The following GRIP1 variants were observed in gnomAD, a reference collection of about 807,000 sequenced individuals.
The protein encoded by GRIP1 is glutamate receptor-interacting protein 1.
Under a neutral mutation model 129.9 loss-of-function variants are expected in GRIP1, and 45 were observed. The ratio of observed to expected loss-of-function variants is 0.35; its 90% CI spans 0.27 to 0.44. GRIP1 has a LOEUF of 0.44. Ranked by LOEUF, GRIP1 falls within the 20% of genes least tolerant of loss-of-function variation. The pLI is 1.00. For missense variants in GRIP1, 1,196 were observed against 1,396.8 expected (o/e 0.86, Z 2.29); for synonymous variants, 530 against 520.8 (o/e 1.02, Z -0.24).
At position 66,813,147 on chromosome 12, in the gene GRIP1, G is replaced by A. The variant is rs568375476; in HGVS notation, c.59-216220C>T. Reference sequence around the variant, plus strand: ...TAGGCTGTACAGGAAATGTGGTAAAGGCATCTGCTTCTGGTGAAGGCCTCA... The same window carrying A: ...TAGGCTGTACAGGAAATGTGGTAAAAGCATCTGCTTCTGGTGAAGGCCTCA... On this transcript the variant is annotated intron_variant, in intron 1 of 1. Coordinates refer to the GRIP1 transcript ENST00000643019. 2.0e-5 allele frequency among the ~76,000 whole-genome samples: 3 copies of A among 152,252 alleles called. No individual in the cohort carries two copies. The East Asian group carries it at 5.8e-4, about 29-fold the overall frequency.
rs748762801 is a variant in GRIP1, at chr12:66,445,361, G to A, written c.1502C>T (p.Pro501Leu). Residue 501 changes from proline to leucine, a missense_variant, in exon 12 of 25, where the codon CCT (proline) becomes CTT (leucine). Transcript: ENST00000359742. Reference protein sequence around the residue: ...VFATETLSSPPLISYIEADSP... With the variant: ...VFATETLSSPLLISYIEADSP... ...GTCAGCTTCGATATAGGAAATCAGA[G>A]GTGGAGAAGAGAGAGTTTCTGTGGC... The A allele has an allele frequency of 3.1e-6, 5 of 1,614,182 alleles. No homozygotes were observed. In the South Asian group the frequency reaches 4.4e-5, roughly 14 times the overall value.
At chr12:66,666,487 T>A (rs2033803520) in intron 1 of GRIP1, among the ~76,000 whole-genome samples, 1 of 143,056 alleles carries the variant, frequency 7.0e-6, no homozygotes, top group Non-Finnish European at 1.5e-5. Context: ...TACTTTATCA[T>A]TAATTTAATA....
intron 4 of GRIP1, among the ~76,000 whole-genome samples, chr12:66,533,041 A>G (rs2061502311): frequency 6.6e-6 from 1 of 152,172 alleles, no homozygotes; most frequent in Non-Finnish European, 1.5e-5. Flanking sequence ...TAAAACAAAC[A>G]ATATGCTAGG....
intron 1 of GRIP1, among the ~76,000 whole-genome samples, chr12:66,753,470 T>TTGAGCTGTTGACCTG (rs2037192157): frequency 6.6e-6 from 1 of 152,210 alleles, no homozygotes; most frequent in Non-Finnish European, 1.5e-5. Flanking sequence ...CTGACCTGCT[T>TTGAGCTGTTGACCTG]TGAGCTGTTG....
At chr12:66,987,538 A>C (rs183271263) in intron 1 of GRIP1, among the ~76,000 whole-genome samples, 2 of 152,248 alleles carry the variant, frequency 1.3e-5, no homozygotes, top group Non-Finnish European at 2.9e-5. Context: ...TCCCCTTACA[A>C]ATGTAAAGGA....
chr12:66,369,908 T>C (rs905742008), intron 23 of GRIP1, among the ~76,000 whole-genome samples: 1 of 152,234 alleles, frequency 6.6e-6, no homozygotes, highest in Admixed American at 6.5e-5. Context: ...TTAGGGTAAC[T>C]GGATAAACAA....
intron 1 of GRIP1, among the ~76,000 whole-genome samples, chr12:66,774,303 A>T (rs2037912460): frequency 6.6e-6 from 1 of 152,214 alleles, no homozygotes; most frequent in Admixed American, 6.5e-5. Flanking sequence ...TTTCCTATGA[A>T]AATGCTCTGA....
intron 1 of GRIP1, among the ~76,000 whole-genome samples, chr12:66,728,792 A>T (rs1245673614): frequency 1.3e-5 from 2 of 152,178 alleles, no homozygotes; most frequent in African/African-American, 2.4e-5. Flanking sequence ...AGAACTTTAC[A>T]GAAACAGAAA....
chr12:66,624,816 C>G (rs752520442), intron 1 of GRIP1, among the ~76,000 whole-genome samples: 1 of 152,102 alleles, frequency 6.6e-6, no homozygotes. Context: ...TCATTTAGCA[C>G]GAGCAACATT....
At chr12:66,537,545 C>T (rs569149210) in intron 4 of GRIP1, among the ~76,000 whole-genome samples, 136 of 149,708 alleles carry the variant, frequency 9.1e-4, no homozygotes, top group African/African-American at 3.2e-3. Context: ...TGTATACCTA[C>T]TATGTACCCA....
chr12:66,935,160 C>T (rs2041463908), intron 1 of GRIP1, among the ~76,000 whole-genome samples: 1 of 152,142 alleles, frequency 6.6e-6, no homozygotes, highest in South Asian at 2.1e-4. Flanking sequence ...CAATTAGTTG[C>T]TATATTCCTA....
chr12:66,824,323 C>A (rs2039372011), intron 1 of GRIP1, among the ~76,000 whole-genome samples: 1 of 152,140 alleles, frequency 6.6e-6, no homozygotes, highest in Non-Finnish European at 1.5e-5. Context: ...AAAGACATAG[C>A]CTGTGCTGTT....
intron 1 of GRIP1, among the ~76,000 whole-genome samples, chr12:66,877,072 C>T (rs1194664200): frequency 2.0e-5 from 3 of 151,972 alleles, no homozygotes; most frequent in Admixed American, 6.6e-5. Context: ...TCATTTGGAA[C>T]TTTATCAATG....
At chr12:66,450,443 G>C (rs1367167645) in intron 11 of GRIP1, among the ~76,000 whole-genome samples, 2 of 150,082 alleles carry the variant, frequency 1.3e-5, no homozygotes, top group Non-Finnish European at 3.0e-5. Flanking sequence ...AAACAGAGAA[G>C]ATAGTTGAAT....
At chr12:66,794,412 T>C (rs540602001) in intron 1 of GRIP1, among the ~76,000 whole-genome samples, 1 of 152,284 alleles carries the variant, frequency 6.6e-6, no homozygotes, top group Non-Finnish European at 1.5e-5. Context: ...ATGTAAGTAA[T>C]CACAAAACGA....
chr12:66,415,747 G>T (rs1325588252), intron 15 of GRIP1, among the ~76,000 whole-genome samples: 2 of 152,100 alleles, frequency 1.3e-5, no homozygotes, highest in Non-Finnish European at 2.9e-5. Flanking sequence ...CCATAAAAAG[G>T]AATGAGATCA....
In GRIP1 at chr12:66,433,290, A is replaced by G. The variant is rs896322799; in HGVS notation, c.1688-662T>C. Among the ~76,000 whole-genome samples the G allele has an allele frequency of 1.4e-4, 3 of 21,536 alleles. No individual in the cohort carries two copies. In the Non-Finnish European group the frequency reaches 7.1e-3, roughly 51 times the overall value. 14.1% of individuals were successfully genotyped at this position (21,536 alleles called of 152,430 possible). On this transcript the variant is annotated intron_variant, in intron 13 of 24. Coordinates refer to ENST00000359742, the MANE Select transcript of GRIP1 (RefSeq NM_001366722.1). ...ACAACCAAAACAGTACTGGTTATCA[A>G]TCAAAAAGACTAAAACAACCAATCA...
At chr12:66,777,967 G>A (rs192058914) in intron 1 of GRIP1, among the ~76,000 whole-genome samples, 1 of 152,028 alleles carries the variant, frequency 6.6e-6, no homozygotes, top group Non-Finnish European at 1.5e-5. Context: ...CATAGCTAAT[G>A]AGCACTTGAA....
intron 5 of GRIP1, among the ~76,000 whole-genome samples, chr12:66,528,145 T>TGTTTG (rs4134419): frequency 7.0e-5 from 10 of 142,750 alleles, no homozygotes; most frequent in African/African-American, 1.8e-4. Flanking sequence ...TTTTTTTTTT[T>TGTTTG]TTTTTTTGAG....
Sources: gnomAD v4.1 joint callset for allele counts (sites outside exome capture counted in the v4.1 genomes callset) on GRCh38, gnomAD v4.1.1 for gene constraint, MANE v1.5 for transcripts, NCBI Gene and HGNC (gene_info 2026-07-23, HGNC 2026-07-21) for gene names.